The following XPNPEP3 variants were observed in gnomAD, a reference collection of about 807,000 sequenced individuals.
XPNPEP3 encodes xaa-Pro aminopeptidase 3.
XPNPEP3 carries 41 observed loss-of-function variants against 60.0 expected under a neutral mutation model. The ratio of observed to expected loss-of-function variants is 0.68; its 90% CI spans 0.53 to 0.89. The LOEUF is 0.89. XPNPEP3 is among the 40% of genes least tolerant of loss of function. XPNPEP3 has a pLI of 0.00. For synonymous variants in XPNPEP3, 212 were observed against 223.2 expected (o/e 0.95, Z 0.45); for missense variants, 598 against 638.9 (o/e 0.94, Z 0.69).
At chr22:40,896,982 A>G (rs1347337911) in intron 4 of XPNPEP3, among the ~76,000 whole-genome samples, 2 of 145,932 alleles carry the variant, frequency 1.4e-5, no homozygotes, top group African/African-American at 2.5e-5. Flanking sequence ...ACATTCCTCT[A>G]TGGCTGAATG....
Position 40,914,315 on chromosome 22 carries a change from T to G in XPNPEP3, c.1046T>G (p.Val349Gly). The G allele has an allele frequency of 1.9e-6, 3 of 1,613,914 alleles. No homozygotes were observed. The highest frequency in any genetic ancestry group is 2.5e-6 in the Non-Finnish European group (3 of 1,179,928). Residue 349 changes from valine to glycine, a missense_variant, in exon 7 of 10, where the codon GTC (valine) becomes GGC (glycine). Physicochemically the swap from Val to Gly is moderately radical, Grantham distance 109 (BLOSUM62 -3). Coordinates refer to ENST00000357137, the MANE Select transcript of XPNPEP3 (RefSeq NM_022098.4). ...YVSDITRTWP[V>G]NGRFTAPQAE... The stretch of plus-strand genomic sequence containing the variant: ...AGTGACATCACACGTACGTGGCCAG[T>G]CAATGGCAGGTAGGGCTTCTACAGA...
intron 4 of XPNPEP3, among the ~76,000 whole-genome samples, chr22:40,893,308 A>C (rs1272849183): frequency 6.6e-6 from 1 of 150,566 alleles, no homozygotes; most frequent in East Asian, 2.0e-4. Context: ...GGGAGTTTGA[A>C]ACCAGCCTGA....
chr22:40,888,546 A>G (rs973898668), intron 4 of XPNPEP3: 23 of 214,746 alleles, frequency 1.1e-4, no homozygotes, highest in Non-Finnish European at 7.0e-5. Flanking sequence ...GCCCAGCTTC[A>G]TTCTTTTTAA....
rs1310559114 is a variant in XPNPEP3, at chr22:40,929,694, TAA to T, written c.*3260_*3261del. ...GTATATTGTCCTTTGAGTCCCAGAT[TAA>T]CTAACTATAGCAGCTAAGCATTTGA... On this transcript the variant is annotated 3_prime_UTR_variant, in exon 10 of 10. Coordinates refer to ENST00000357137, the MANE Select transcript of XPNPEP3 (RefSeq NM_022098.4). The T allele has an allele frequency of 1.3e-5, 2 of 152,174 alleles. No individual in the cohort carries two copies. The highest frequency in any genetic ancestry group is 4.8e-5 in the African/African-American group (2 of 41,434). The allele number at this position is 152,174 out of a possible 1,614,324, so 9.4% of individuals were successfully genotyped here. A position where few individuals can be genotyped will look rare whatever the true frequency, so the allele number is the denominator to read the frequency against.
chr22:40,895,277 C>T (rs984215172), intron 4 of XPNPEP3, among the ~76,000 whole-genome samples: 2 of 152,066 alleles, frequency 1.3e-5, no homozygotes, highest in African/African-American at 4.8e-5. Flanking sequence ...CTTCTTTGGA[C>T]ATTGTCCATC....
chr22:40,909,545 G>A lies in XPNPEP3; in HGVS notation c.969+310G>A, dbSNP rs568187383. 5.9e-5 allele frequency among the ~76,000 whole-genome samples: 9 copies of A among 152,126 alleles called. No individual in the cohort carries two copies. In the East Asian group the frequency reaches 1.4e-3, roughly 23 times the overall value. On this transcript the variant is annotated intron_variant, in intron 6 of 9. Coordinates refer to ENST00000357137, the MANE Select transcript of XPNPEP3 (RefSeq NM_022098.4). ...TTTGAGAGGCCAAGGCGGGTGAATC[G>A]CTTGAGGTCAGGGGTTCGAGACCAG...
Position 40,886,338 on chromosome 22 carries a change from C to T in XPNPEP3, c.615C>T (p.Asp205=), listed in dbSNP as rs773618240. The T allele has an allele frequency of 9.9e-6, 16 of 1,613,962 alleles. 1 individual carries two copies. In the East Asian group the frequency reaches 2.5e-4, roughly 25 times the overall value. ...CTGAGACGAACATGGTTTGGTATGA[C>T]TGGATGAGGCCCTCACATGCACAGC... ...MKAETNMVWY[D]WMRPSHAQLH... is the part of the protein sequence containing the mutation. The change falls in exon 4 of 10, where the codon GAC becomes GAT. Residue 205 remains aspartate (D), a synonymous_variant. Coordinates refer to ENST00000357137, the MANE Select transcript of XPNPEP3 (RefSeq NM_022098.4).
chr22:40,896,350 C>T (rs890765295), intron 4 of XPNPEP3, among the ~76,000 whole-genome samples: 16 of 151,794 alleles, frequency 1.1e-4, no homozygotes, highest in African/African-American at 2.9e-4. Flanking sequence ...TTTATTTAAT[C>T]GTGGTGAGAT....
rs761607215 is a variant in XPNPEP3 at position 40,919,384 on chromosome 22, G to A, written c.1056-2949G>A. 2.6e-5 allele frequency among the ~76,000 whole-genome samples: 4 copies of A among 152,042 alleles called. 1 individual carries two copies. The highest frequency in any genetic ancestry group is 4.2e-4 in the South Asian group (2 of 4,814). ...AGTCTAACCAACATGGTGAAACCCC[G>A]TCCATACTAAAATAACAAAAATTAG... On this transcript the variant is annotated intron_variant, in intron 7 of 9. Coordinates refer to ENST00000357137, the MANE Select transcript of XPNPEP3 (RefSeq NM_022098.4).
intron 7 of XPNPEP3, among the ~76,000 whole-genome samples, chr22:40,916,036 T>C (rs2058194826): frequency 6.6e-6 from 1 of 152,192 alleles, no homozygotes; most frequent in South Asian, 2.1e-4. Context: ...CTCATGCCTG[T>C]AATTCTAGCA....
intron 2 of XPNPEP3, chr22:40,870,369 C>G (rs993330492): frequency 4.3e-6 from 1 of 230,108 alleles, no homozygotes; most frequent in African/African-American, 2.3e-5. Flanking sequence ...TTTTTTTGCT[C>G]TATACCTTAA....
chr22:40,894,181 A>G (rs1357262380), intron 4 of XPNPEP3, among the ~76,000 whole-genome samples: 1 of 152,160 alleles, frequency 6.6e-6, no homozygotes. Context: ...CAGGCAACAC[A>G]GCAAGACTCC....
chr22:40,872,079 C>G (rs1340660335), intron 2 of XPNPEP3, among the ~76,000 whole-genome samples: 1 of 152,242 alleles, frequency 6.6e-6, no homozygotes, highest in East Asian at 1.9e-4. Context: ...CCTCTGAATT[C>G]TTGGGAGCTA....
At position 40,886,528 on chromosome 22, in the gene XPNPEP3, T is replaced by C. The variant is rs376777685; in HGVS notation, c.792+13T>C. On this transcript the variant is annotated intron_variant, in intron 4 of 9. Transcript: ENST00000357137. ...GCTGACATCACAGGTATGATTCCTA[T>C]TGAAAAGTTTTTTCCAGCCGGGCGC... The C allele has an allele frequency of 1.8e-4, 289 of 1,612,742 alleles. No individual in the cohort carries two copies. The highest frequency in any genetic ancestry group is 2.3e-4 in the Non-Finnish European group (267 of 1,179,858).
chr22:40,930,221 C>G lies in XPNPEP3; in HGVS notation c.*3786C>G, dbSNP rs2058250020. On this transcript the variant is annotated 3_prime_UTR_variant, in exon 10 of 10. Coordinates refer to ENST00000357137, the MANE Select transcript of XPNPEP3 (RefSeq NM_022098.4). ...CTTGGCTCACTGCAACCTCCATCTC[C>G]CGGGTTCAGGCAATTCTTCTGCCTC... 1 of 151,322 alleles carries G rather than the reference C, an allele frequency of 6.6e-6. No individual in the cohort carries two copies. Among genetic ancestry groups the G allele is most frequent in the African/African-American group, 2.4e-5 (1 of 41,128 alleles). 9.4% of individuals were successfully genotyped at this position (151,322 alleles called of 1,614,324 possible). A position where few individuals can be genotyped will look rare whatever the true frequency, so the allele number is the denominator to read the frequency against.
intron 4 of XPNPEP3, among the ~76,000 whole-genome samples, chr22:40,887,678 A>G (rs1284845988): frequency 3.3e-5 from 5 of 152,178 alleles, no homozygotes; most frequent in Non-Finnish European, 7.3e-5. Flanking sequence ...CGGGAAACAC[A>G]ATTCAGTCCA....
chr22:40,919,664 C>G (rs1022854754), intron 7 of XPNPEP3, among the ~76,000 whole-genome samples: 1 of 152,136 alleles, frequency 6.6e-6, no homozygotes, highest in Non-Finnish European at 1.5e-5. Flanking sequence ...TATGCCCAGC[C>G]AAATTCTAGG....
At chr22:40,897,990 T>G (rs961707009) in intron 4 of XPNPEP3, among the ~76,000 whole-genome samples, 23 of 152,196 alleles carry the variant, frequency 1.5e-4, no homozygotes, top group African/African-American at 5.5e-4. Flanking sequence ...TATTAACTCT[T>G]AATCCGGTAT....
intron 3 of XPNPEP3, among the ~76,000 whole-genome samples, chr22:40,884,068 A>G (rs1186902077): frequency 2.0e-5 from 3 of 152,180 alleles, no homozygotes; most frequent in Admixed American, 6.5e-5. Flanking sequence ...ACTCATTTGA[A>G]TATGTAAGTT....
Sources: allele counts gnomAD v4.1 joint callset (sites outside exome capture counted in the v4.1 genomes callset), GRCh38; gene constraint gnomAD v4.1.1; transcripts MANE v1.5; gene names NCBI Gene and HGNC (gene_info 2026-07-23, HGNC 2026-07-21).